The following NRXN1 variants were observed in gnomAD, a reference collection of about 807,000 sequenced individuals.
NRXN1 encodes neurexin 1, also known as neurexin-1.
Under a neutral mutation model 150.9 loss-of-function variants are expected in NRXN1, and 39 were observed. The ratio of observed to expected loss-of-function variants is 0.26; its 90% confidence interval spans 0.20 to 0.34. NRXN1 has a LOEUF of 0.34. NRXN1 is among the 10% of genes least tolerant of loss of function. The probability of loss-of-function intolerance (pLI) is 1.00; values close to 1 mark genes in which losing one functional copy is unlikely to be tolerated. For synonymous variants in NRXN1, 924 were observed against 757.0 expected (o/e 1.22, Z -3.62); for missense variants, 1,815 against 1,949.9 (o/e 0.93, Z 1.30).
intron 17 of NRXN1, 146 bp from the exon 18 acceptor site, chr2:50,237,116 C>A (rs2065524703): frequency 2.3e-6 from 2 of 860,248 alleles, no homozygotes; most frequent in Non-Finnish European, 3.7e-6. Flanking sequence ...CAAATGTGCT[C>A]AAGAAAGTGG....
chr2:50,374,863 T>A (rs1287477413), intron 17 of NRXN1, among the ~76,000 whole-genome samples: 6 of 152,184 alleles, frequency 3.9e-5, no homozygotes, highest in Admixed American at 3.9e-4. Context: ...GCTTTTGAGT[T>A]TCACAGCCTT....
At chr2:50,672,015 CCTAA>C (rs1688924939) in intron 5 of NRXN1, among the ~76,000 whole-genome samples, 4 of 151,704 alleles carry the variant, frequency 2.6e-5, no homozygotes, top group African/African-American at 9.7e-5. Context: ...CAACTTGGTA[CCTAA>C]CCTAATGTAA....
chr2:50,589,734 A>T (rs1193309471), intron 8 of NRXN1, among the ~76,000 whole-genome samples: 1 of 120,962 alleles, frequency 8.3e-6, no homozygotes, highest in Non-Finnish European at 1.8e-5. Context: ...GCAAAACCCA[A>T]CTGTTATAGC....
chr2:50,278,232 TA>T (rs1467959355), intron 17 of NRXN1, among the ~76,000 whole-genome samples: 1 of 58,514 alleles, frequency 1.7e-5, no homozygotes, highest in African/African-American at 5.8e-5. Context: ...CTGGCTTTTA[TA>T]TATATATAAT....
At chr2:50,743,923 T>C (rs1168735140) in intron 5 of NRXN1, among the ~76,000 whole-genome samples, 1 of 152,154 alleles carries the variant, frequency 6.6e-6, no homozygotes, top group East Asian at 1.9e-4. Context: ...AGAATCACCA[T>C]TTACTCACTA....
chr2:50,821,737 G>A lies in NRXN1; in HGVS notation c.832+100132C>T, dbSNP rs547785174. ...ATAAGGTAATGTGCACATTGCACAC[G>A]TGAAAAAAGAATTTAAGAAGGCTGG... On this transcript the variant is annotated intron_variant, in intron 5 of 22. Coordinates refer to ENST00000401669, the MANE Select transcript of NRXN1 (RefSeq NM_001330078.2). 2.4e-4 allele frequency among the ~76,000 whole-genome samples: 37 copies of A among 152,152 alleles called. No individual in the cohort carries two copies. The South Asian group carries it at 7.3e-3, about 30-fold the overall frequency.
At chr2:49,957,923 G>A (rs1431222740) in intron 21 of NRXN1, among the ~76,000 whole-genome samples, 1 of 152,062 alleles carries the variant, frequency 6.6e-6, no homozygotes, top group Admixed American at 6.6e-5. Context: ...AAATAACAGC[G>A]GGAATAATTT....
intron 17 of NRXN1, among the ~76,000 whole-genome samples, chr2:50,402,335 A>AG (rs2082445089): frequency 6.6e-6 from 1 of 151,842 alleles, no homozygotes; most frequent in Non-Finnish European, 1.5e-5. Context: ...ATCAGCTATA[A>AG]TTTTTTCCAC....
chr2:50,070,958 C>G (rs573852520), intron 19 of NRXN1, among the ~76,000 whole-genome samples: 1 of 152,238 alleles, frequency 6.6e-6, no homozygotes, highest in Non-Finnish European at 1.5e-5. Context: ...TAAACTTAAG[C>G]TACCTGTTAT....
chr2:50,759,019 G>A (rs1244671433), intron 5 of NRXN1, among the ~76,000 whole-genome samples: 2 of 151,844 alleles, frequency 1.3e-5, no homozygotes, highest in Non-Finnish European at 2.9e-5. Flanking sequence ...TTAACATGGG[G>A]ATTATCTTCA....
At chr2:51,030,322 C>G (rs1483310697) in intron 1 of NRXN1, among the ~76,000 whole-genome samples, 2 of 151,756 alleles carry the variant, frequency 1.3e-5, no homozygotes, top group Admixed American at 1.3e-4. Flanking sequence ...TGTAGAAGCT[C>G]ACTACCCAAT....
At chr2:50,257,434 A>G (rs1192419992) in intron 17 of NRXN1, among the ~76,000 whole-genome samples, 1 of 152,100 alleles carries the variant, frequency 6.6e-6, no homozygotes, top group Non-Finnish European at 1.5e-5. Context: ...AATAGACAGC[A>G]TTTACTTTAG....
At chr2:50,779,586 G>A (rs1704083350) in intron 5 of NRXN1, among the ~76,000 whole-genome samples, 1 of 152,036 alleles carries the variant, frequency 6.6e-6, no homozygotes. Context: ...GGTTAACATG[G>A]TGAAACCCCA....
At chr2:50,011,776 G>T (rs566364276) in intron 21 of NRXN1, among the ~76,000 whole-genome samples, 3 of 151,968 alleles carry the variant, frequency 2.0e-5, no homozygotes, top group Non-Finnish European at 2.9e-5. Context: ...CCTTAAAGAT[G>T]GAGAAAAATA....
intron 5 of NRXN1, among the ~76,000 whole-genome samples, chr2:50,628,708 C>A (rs1368040935): frequency 6.6e-6 from 1 of 151,548 alleles, no homozygotes; most frequent in East Asian, 1.9e-4. Context: ...TTTTGCATTT[C>A]TACTATGTGC....
At chr2:49,951,225 G>C (rs552776840) in intron 21 of NRXN1, among the ~76,000 whole-genome samples, 3 of 151,860 alleles carry the variant, frequency 2.0e-5, no homozygotes, top group African/African-American at 7.2e-5. Context: ...GAATAAAACT[G>C]AATTTTTGAG....
chr2:50,606,239 ACT>A (rs1293094527), intron 8 of NRXN1, among the ~76,000 whole-genome samples: 1 of 130,078 alleles, frequency 7.7e-6, no homozygotes, highest in Non-Finnish European at 1.6e-5. Context: ...ACAGAGTGAG[ACT>A]CTGTTTCAGA....
At position 50,791,314 on chromosome 2, in the gene NRXN1, CA is replaced by C. The variant is rs60728323; in HGVS notation, c.832+130554del. ...ACAGGAGATTCCAAACTGCTTGCTA[CA>C]AAAAAAAAAAAAAAAAAATCCTTAG... is the stretch of plus-strand genomic sequence containing the variant. On this transcript the variant is annotated intron_variant, in intron 5 of 22. Coordinates refer to ENST00000401669, the MANE Select transcript of NRXN1 (RefSeq NM_001330078.2). Among the ~76,000 whole-genome samples, 1,032 of 111,672 alleles carry C rather than the reference CA, an allele frequency of 9.2e-3. 10 individuals carry two copies. The highest frequency in any genetic ancestry group is 0.022 in the East Asian group (81 of 3,764). The allele number at this position is 111,672 out of a possible 152,430, so 73.3% of individuals were successfully genotyped here.
intron 18 of NRXN1, among the ~76,000 whole-genome samples, chr2:50,220,111 T>G (rs992003163): frequency 6.8e-6 from 1 of 147,254 alleles, no homozygotes; most frequent in Non-Finnish European, 1.5e-5. Flanking sequence ...GAGAGAAATA[T>G]GAGTCACACT....
Sources: gnomAD v4.1 joint callset for allele counts (sites outside exome capture counted in the v4.1 genomes callset) on GRCh38, gnomAD v4.1.1 for gene constraint, MANE v1.5 for transcripts, NCBI Gene and HGNC (gene_info 2026-07-23, HGNC 2026-07-21) for gene names.